SUPT20H: variants seen among roughly 807,000 people sequenced by gnomAD.
SUPT20H encodes transcription factor SPT20 homolog.
SUPT20H carries 82 observed loss-of-function variants against 122.8 expected under a neutral mutation model. The observed-to-expected ratio is 0.67, with a 90% confidence interval of 0.56 to 0.80. The LOEUF is 0.80. Ranked by LOEUF, SUPT20H falls within the 30% of genes least tolerant of loss-of-function variation. SUPT20H has a pLI of 0.00. For missense variants in SUPT20H, 831 were observed against 921.6 expected (o/e 0.90, Z 1.27); for synonymous variants, 291 against 313.0 (o/e 0.93, Z 0.74).
intron 5 of SUPT20H, 42 bp from the exon 6 acceptor site, chr13:37,045,415 T>C: frequency 5.0e-6 from 8 of 1,601,404 alleles, no homozygotes; most frequent in Non-Finnish European, 6.8e-6. Context: ...TAATCCAGTA[T>C]AACCTTAACA....
intron 23 of SUPT20H, 120 bp from the exon 24 acceptor site, chr13:37,012,417 G>T (rs749114358): frequency 9.7e-6 from 6 of 618,702 alleles, no homozygotes; most frequent in Non-Finnish European, 1.4e-5. Flanking sequence ...CTTGTAAAAA[G>T]AATAACAAGG....
intron 24 of SUPT20H, chr13:37,010,896 T>G (rs939284103): frequency 2.8e-6 from 1 of 358,268 alleles, no homozygotes; most frequent in Non-Finnish European, 5.2e-6. Flanking sequence ...ATCAAAGCAC[T>G]GAACCTCTCT....
intron 15 of SUPT20H, 94 bp from the exon 16 acceptor site, chr13:37,026,330 G>C (rs2062267571): frequency 2.0e-6 from 2 of 975,956 alleles, no homozygotes; most frequent in Admixed American, 6.4e-5. Context: ...CCATGTTTTA[G>C]TCACAGTAAT....
At chr13:37,052,838 AAAC>A (rs538139957) in intron 1 of SUPT20H, among the ~76,000 whole-genome samples, 1,597 of 152,286 alleles carry the variant, frequency 0.01, 20 homozygotes, top group African/African-American at 0.036. Context: ...TAGAAGAAAA[AAAC>A]AACCCCATCA....
intron 7 of SUPT20H, among the ~76,000 whole-genome samples, chr13:37,043,012 A>G (rs2065775972): frequency 6.6e-6 from 1 of 152,240 alleles, no homozygotes; most frequent in Non-Finnish European, 1.5e-5. Context: ...AGTGTCAGTC[A>G]GTGCTCAGAT....
intron 1 of SUPT20H, among the ~76,000 whole-genome samples, chr13:37,055,704 A>T (rs1254415278): frequency 5.9e-5 from 9 of 152,160 alleles, no homozygotes; most frequent in South Asian, 2.1e-4. Context: ...GACATAGGCG[A>T]GGGCAAGGAC....
Position 37,009,490 on chromosome 13 carries a change from CTA to C in SUPT20H, c.*180_*181del. On this transcript the variant is annotated 3_prime_UTR_variant, in exon 26 of 26. Transcript: ENST00000350612. ...AAGCAATGACTTAGGCAAACCAACC[CTA>C]GTTTGTTAAACCATTTCCCTGTTTT... 1 of 860,808 alleles carries C rather than the reference CTA, an allele frequency of 1.2e-6. No homozygotes were observed. The highest frequency in any genetic ancestry group is 2.6e-5 in the East Asian group (1 of 38,006). The allele number at this position is 860,808 out of a possible 1,614,324, so 53.3% of individuals were successfully genotyped here. A position where few individuals can be genotyped will look rare whatever the true frequency, so the allele number is the denominator to read the frequency against.
intron 6 of SUPT20H, among the ~76,000 whole-genome samples, chr13:37,044,982 C>T (rs1481508064): frequency 2.0e-5 from 3 of 151,554 alleles, no homozygotes; most frequent in South Asian, 2.1e-4. Context: ...TTCTGAGATG[C>T]TTTTATAATT....
rs1257681616 is a variant in SUPT20H, at chr13:37,022,269, G to T, written c.1592-189C>A. 2 of 1,511,416 alleles carry T rather than the reference G, an allele frequency of 1.3e-6. No individual in the cohort carries two copies. Among genetic ancestry groups the T allele is most frequent in the Non-Finnish European group, 1.8e-6 (2 of 1,126,762 alleles). 93.6% of individuals were successfully genotyped at this position (1,511,416 alleles called of 1,614,324 possible). Reference sequence around the variant, plus strand: ...GCTCTGAGCATCAGGAGGGTGTGGGGTCGATGAAGGGGTTGGTGTAGGAGT... The same window carrying T: ...GCTCTGAGCATCAGGAGGGTGTGGGTTCGATGAAGGGGTTGGTGTAGGAGT... On this transcript the variant is annotated intron_variant, in intron 19 of 25. Transcript: ENST00000350612. This position sits in a 1 kb window ranked among gnomAD's most constrained non-coding sequence, Gnocchi z 4.5.
intron 6 of SUPT20H, among the ~76,000 whole-genome samples, chr13:37,044,558 T>G (rs1566305839): frequency 6.6e-6 from 1 of 152,190 alleles, no homozygotes; most frequent in Non-Finnish European, 1.5e-5. Context: ...TGGTCACTTT[T>G]AGAACAAAAT....
At chr13:37,019,599 G>A (rs2139405763) in intron 21 of SUPT20H, among the ~76,000 whole-genome samples, 1 of 152,278 alleles carries the variant, frequency 6.6e-6, no homozygotes, top group Admixed American at 6.5e-5. Flanking sequence ...AAGTTGTGAA[G>A]CACCAGATGC....
intron 4 of SUPT20H, 31 bp downstream of exon 4, chr13:37,047,847 A>C (rs1203370943): frequency 1.9e-6 from 3 of 1,575,194 alleles, no homozygotes; most frequent in South Asian, 1.2e-5. Flanking sequence ...ATTTCAATGA[A>C]TCTAAGATGT....
rs139213359 is a variant in SUPT20H at position 37,030,372 on chromosome 13, T to C, written c.922-536A>G. 6.6e-5 allele frequency among the ~76,000 whole-genome samples: 10 copies of C among 152,316 alleles called. No individual in the cohort carries two copies. In the East Asian group the frequency reaches 1.7e-3, roughly 26 times the overall value. ...AGGCATCTGTGTGAGTCAAATGTTA[T>C]TATCTTACAGGCAACCACGATCTTA... On this transcript the variant is annotated intron_variant, in intron 12 of 25. Transcript: ENST00000350612.
rs991373597 is a variant in SUPT20H at position 37,022,263 on chromosome 13, T to G, written c.1592-183A>C. 1.3e-6 allele frequency: 2 copies of G among 1,519,562 alleles called. No homozygotes were observed. Among genetic ancestry groups the G allele is most frequent in the Non-Finnish European group, 1.8e-6 (2 of 1,130,396 alleles). 94.1% of individuals were successfully genotyped at this position (1,519,562 alleles called of 1,614,324 possible). On this transcript the variant is annotated intron_variant, in intron 19 of 25. Coordinates refer to ENST00000350612, the MANE Select transcript of SUPT20H (RefSeq NM_001014286.3). This position sits in a 1 kb window ranked among gnomAD's most constrained non-coding sequence, Gnocchi z 4.5. ...AGTTGAGCTCTGAGCATCAGGAGGG[T>G]GTGGGGTCGATGAAGGGGTTGGTGT...
Position 37,029,806 on chromosome 13 carries a change from TAG to T in SUPT20H, c.950_951del (p.Ser317TyrfsTer4). On this transcript the variant is annotated frameshift_variant, in exon 13 of 26. Transcript: ENST00000350612. LOFTEE classifies it high-confidence loss of function. The part of the protein sequence containing the change: ...DVEKYAKVEK[S>X]IKSDDSQPTV... ...GTTGGCTGTGAGTCATCAGATTTGA[TAG>T]ACTTTTCCACTTTAGCATATTTCTC... is the stretch of plus-strand genomic sequence containing the variant. 6.2e-7 allele frequency: 1 copy of T among 1,602,906 alleles called. No homozygotes were observed. Among genetic ancestry groups the T allele is most frequent in the South Asian group, 1.1e-5 (1 of 88,928 alleles).
chr13:37,046,598 G>A (rs2066481051), intron 5 of SUPT20H, among the ~76,000 whole-genome samples: 1 of 152,124 alleles, frequency 6.6e-6, no homozygotes, highest in Non-Finnish European at 1.5e-5. Context: ...ACATTTAGCT[G>A]GTGGAGAGTG....
chr13:37,025,881 G>T, intron 16 of SUPT20H: 1 of 243,960 alleles, frequency 4.1e-6, no homozygotes, highest in Non-Finnish European at 7.7e-6. Context: ...AAAAACCTAG[G>T]TATTATAAAC....
rs549929725 is a variant in SUPT20H, at chr13:37,040,894, A to G, written c.397-202T>C. On this transcript the variant is annotated intron_variant, in intron 7 of 25. Transcript: ENST00000350612. ...TATTTCATGTTCATCACTATGACAC[A>G]AGAAGCAATTTAAAACTATTTAATA... Among the ~76,000 whole-genome samples, 226 of 152,318 alleles carry G rather than the reference A, an allele frequency of 1.5e-3. 1 individual carries two copies. Among genetic ancestry groups the G allele is most frequent in the Non-Finnish European group, 2.2e-4 (15 of 68,028 alleles).
Position 37,046,705 on chromosome 13 carries a change from G to C in SUPT20H, c.165+830C>G, listed in dbSNP as rs565188731. On this transcript the variant is annotated intron_variant, in intron 5 of 25. Transcript: ENST00000350612. ...ATATGTACATTCTATTGCTTGTAGT[G>C]ATGGTTTCATGAGGTGTTTCTATAA... is the stretch of plus-strand genomic sequence containing the variant. 5.1e-3 allele frequency among the ~76,000 whole-genome samples: 772 copies of C among 152,170 alleles called. 6 individuals are homozygous for C. Among genetic ancestry groups the C allele is most frequent in the African/African-American group, 0.018 (736 of 41,506 alleles).
Sources: gnomAD v4.1 joint callset for allele counts (sites outside exome capture counted in the v4.1 genomes callset) on GRCh38, gnomAD v4.1.1 for gene constraint, Gnocchi (gnomAD v3.1) non-coding constraint, MANE v1.5 for transcripts, NCBI Gene and HGNC (gene_info 2026-07-23, HGNC 2026-07-21) for gene names.